Variants in PLXNA1 observed in about 807,000 individuals in gnomAD.
The protein encoded by PLXNA1 is plexin A1.
A neutral mutation model predicts 191.7 loss-of-function variants in PLXNA1; 77 were observed. The ratio of observed to expected loss-of-function variants is 0.40; its 90% confidence interval spans 0.33 to 0.49. The LOEUF is 0.49. PLXNA1 is among the 20% of genes least tolerant of loss of function. The pLI, the probability that PLXNA1 is intolerant of heterozygous loss-of-function variation, is 0.63. For missense variants in PLXNA1, 2,110 were observed against 2,660.2 expected (o/e 0.79, Z 4.55); for synonymous variants, 1,137 against 1,156.4 (o/e 0.98, Z 0.34).
chr3:127,006,324 G>C (rs982599257), intron 8 of PLXNA1, 146 bp downstream of exon 8: 1 of 693,816 alleles, frequency 1.4e-6, no homozygotes, highest in African/African-American at 1.8e-5. Flanking sequence ...GGGCTCCTGA[G>C]GCTGGGCGGT....
chr3:127,027,230 G>A (rs1284475595), intron 23 of PLXNA1: 6 of 219,130 alleles, frequency 2.7e-5, no homozygotes, highest in Admixed American at 2.6e-4. Flanking sequence ...CCTGAGGTGG[G>A]ACAGGAGGCG....
chr3:127,028,954 GC>G, intron 25 of PLXNA1, 38 bp from the exon 26 acceptor site: 1 of 1,531,650 alleles, frequency 6.5e-7, no homozygotes. Context: ...GGGAAAGAGG[GC>G]CCCAGCGGCC....
intron 1 of PLXNA1, among the ~76,000 whole-genome samples, chr3:126,985,365 C>T (rs1008033679): frequency 2.0e-5 from 3 of 152,184 alleles, no homozygotes; most frequent in Admixed American, 6.5e-5. Flanking sequence ...CCAGTCTAGC[C>T]TCCCCTGCCC....
chr3:126,991,942 C>T (rs554678647), intron 3 of PLXNA1, among the ~76,000 whole-genome samples: 43 of 152,286 alleles, frequency 2.8e-4, no homozygotes, highest in South Asian at 6.2e-4. Context: ...GCCCTGCTCC[C>T]CAGCCAGGAG....
intron 2 of PLXNA1, among the ~76,000 whole-genome samples, chr3:126,990,602 C>T (rs896534073): frequency 1.3e-5 from 2 of 152,208 alleles, no homozygotes; most frequent in Non-Finnish European, 2.9e-5. Context: ...CGCTGGCCAT[C>T]GCAGGGGAAG....
chr3:127,029,219 A>T, intron 26 of PLXNA1, 123 bp downstream of exon 26: 1 of 862,126 alleles, frequency 1.2e-6, no homozygotes, highest in Non-Finnish European at 1.9e-6. Context: ...AGAGGAGGGG[A>T]GGTGGTCACT....
At chr3:126,983,699 A>G (rs2078943115) in intron 1 of PLXNA1, among the ~76,000 whole-genome samples, 3 of 150,524 alleles carry the variant, frequency 2.0e-5, no homozygotes, top group African/African-American at 7.3e-5. Context: ...GCTGGGGAGA[A>G]AGTTTGCGGC....
rs892488025 is a variant in PLXNA1, at chr3:127,022,732, C to G, written c.4296-20C>G. On this transcript the variant is annotated intron_variant, in intron 22 of 31. Transcript: ENST00000393409. ...GACAGCTGGAATGACACCACTCTGCCCATATTCTGTGCTCCCCAGGACTGA... is the reference window on the plus strand; with the variant it reads ...GACAGCTGGAATGACACCACTCTGCGCATATTCTGTGCTCCCCAGGACTGA... 6.2e-7 allele frequency: 1 copy of G among 1,611,304 alleles called. No homozygotes were observed. The highest frequency in any genetic ancestry group is 1.3e-5 in the African/African-American group (1 of 74,988).
At position 127,003,378 on chromosome 3, in the gene PLXNA1, G is replaced by T. The variant is rs1464998521; in HGVS notation, c.1426G>T (p.Glu476Ter). Residue 476 changes from glutamate (E) to a stop codon, truncating the protein, a stop_gained, in exon 4 of 32, where the codon GAG becomes TAG. Transcript: ENST00000393409. LOFTEE classifies it high-confidence loss of function. ...NPGGRPALAY[E>*]SVVAQEGSPI... is the part of the protein sequence containing the mutation. ...CGGTGGCCGGCCTGCCCTGGCCTAC[G>T]AGAGCGTCGTGGCCCAGGAGGGCAG... 1 of 1,611,812 alleles carries T rather than the reference G, an allele frequency of 6.2e-7. No homozygotes were observed. Among genetic ancestry groups the T allele is most frequent in the Non-Finnish European group, 8.5e-7 (1 of 1,179,278 alleles).
Position 127,005,346 on chromosome 3 carries a change from G to GTT in PLXNA1, c.1897+104_1897+105dup. 10 of 1,378,760 alleles carry GTT rather than the reference G, an allele frequency of 7.3e-6. No individual in the cohort carries two copies. The South Asian group carries it at 1.4e-4, about 20-fold the overall frequency. The allele number at this position is 1,378,760 out of a possible 1,614,324, so 85.4% of individuals were successfully genotyped here. A position where few individuals can be genotyped will look rare whatever the true frequency, so the allele number is the denominator to read the frequency against. On this transcript the variant is annotated intron_variant, in intron 7 of 31. Transcript: ENST00000393409. The stretch of plus-strand genomic sequence containing the variant: ...CTCCCTTGTTCAGTTCCAAGGGCAT[G>GTT]TTGGTGACACTCTGACAGCTGATAT...
At chr3:127,018,822 C>T (rs796502105) in intron 20 of PLXNA1, among the ~76,000 whole-genome samples, 104 of 152,306 alleles carry the variant, frequency 6.8e-4, no homozygotes, top group African/African-American at 2.4e-3. Context: ...GGCTACTTAC[C>T]CTTCTGTGGC....
At chr3:126,985,803 G>A (rs538885935) in intron 1 of PLXNA1, among the ~76,000 whole-genome samples, 3 of 152,376 alleles carry the variant, frequency 2.0e-5, no homozygotes, top group African/African-American at 7.2e-5. Flanking sequence ...CTAGTTGGGT[G>A]ACCTTGAGTC....
At chr3:126,999,447 G>A (rs115166077) in intron 3 of PLXNA1, among the ~76,000 whole-genome samples, 2 of 152,202 alleles carry the variant, frequency 1.3e-5, no homozygotes, top group African/African-American at 2.4e-5. Context: ...CCATCATGGG[G>A]CAGGCAGAGT....
At position 126,989,223 on chromosome 3, in the gene PLXNA1, G is replaced by A. The variant is rs759615159; in HGVS notation, c.630G>A (p.Glu210=). ...CCAGCCGTCGGCTCATGGCCAACGAGGAGGATGCCGACATGTTCGGCTTCG... is the reference window on the plus strand; with the variant it reads ...CCAGCCGTCGGCTCATGGCCAACGAAGAGGATGCCGACATGTTCGGCTTCG... ...TLSSRRLMAN[E]EDADMFGFVY... is the part of the protein sequence containing the mutation. The change falls in exon 2 of 32, where the codon GAG becomes GAA. Residue 210 remains glutamate (E), a synonymous_variant. Coordinates refer to ENST00000393409, the MANE Select transcript of PLXNA1 (RefSeq NM_032242.4). 5 of 1,613,652 alleles carry A rather than the reference G, an allele frequency of 3.1e-6. No individual in the cohort carries two copies. The South Asian group carries it at 5.5e-5, about 18-fold the overall frequency.
intron 7 of PLXNA1, 134 bp downstream of exon 7, chr3:127,005,377 G>A: frequency 8.6e-7 from 1 of 1,164,426 alleles, no homozygotes; most frequent in South Asian, 1.6e-5. Flanking sequence ...GATATGGGTG[G>A]GGGTCTCACC....
At chr3:127,009,401 C>T (rs1056234552) in intron 9 of PLXNA1, among the ~76,000 whole-genome samples, 3 of 152,004 alleles carry the variant, frequency 2.0e-5, no homozygotes, top group South Asian at 2.1e-4. Context: ...GCTGGGGGCA[C>T]GTGTGGGGTC....
At chr3:126,986,200 T>C (rs1176317044) in intron 1 of PLXNA1, among the ~76,000 whole-genome samples, 1 of 152,210 alleles carries the variant, frequency 6.6e-6, no homozygotes, top group African/African-American at 2.4e-5. Context: ...ATGTTTTCTT[T>C]GGAGTTCACA....
rs2079227672 is a variant in PLXNA1 at position 127,034,155 on chromosome 3, C to G, written c.*138C>G. The G allele has an allele frequency of 1.4e-6, 1 of 721,528 alleles. No individual in the cohort carries two copies. The highest frequency in any genetic ancestry group is 2.3e-6 in the Non-Finnish European group (1 of 439,780). The allele number at this position is 721,528 out of a possible 1,614,324, so 44.7% of individuals were successfully genotyped here. On this transcript the variant is annotated 3_prime_UTR_variant, in exon 32 of 32. Coordinates refer to ENST00000393409, the MANE Select transcript of PLXNA1 (RefSeq NM_032242.4). Reference sequence around the variant, plus strand: ...GCAGCGACTGCCCGGCCCTCCCTCCCCTGCCTCACCCGGTCGGGTCCCGGC... The same window carrying G: ...GCAGCGACTGCCCGGCCCTCCCTCCGCTGCCTCACCCGGTCGGGTCCCGGC...
chr3:127,004,617 C>A lies in PLXNA1; in HGVS notation c.1525C>A (p.Arg509=), dbSNP rs985980984. 1.3e-6 allele frequency: 2 copies of A among 1,569,934 alleles called. No homozygotes were observed. The highest frequency in any genetic ancestry group is 1.7e-6 in the Non-Finnish European group (2 of 1,157,336). Residue 509 remains arginine (R), a synonymous_variant, in exon 5 of 32, where the codon CGG becomes AGG. Transcript: ENST00000393409. ...LYAMTEKQVT[R]VPVESCVQYT... ...GACACCTCCCCCACACCAGGTGACG[C>A]GGGTGCCTGTGGAGAGCTGTGTGCA...
Sources: allele counts gnomAD v4.1 joint callset (sites outside exome capture counted in the v4.1 genomes callset), GRCh38; gene constraint gnomAD v4.1.1; transcripts MANE v1.5; gene names NCBI Gene and HGNC (gene_info 2026-07-23, HGNC 2026-07-21).